The following PARVB variants were observed in gnomAD, a reference collection of about 807,000 sequenced individuals.
PARVB encodes beta-parvin.
PARVB carries 46 observed loss-of-function variants against 47.0 expected under a neutral mutation model. The observed-to-expected ratio is 0.98, with a 90% CI of 0.77 to 1.25. The LOEUF (loss-of-function observed/expected upper bound fraction) is 1.25, where lower values mean the gene tolerates loss of function less well. PARVB is among the 50% of genes most tolerant of loss of function. PARVB has a pLI of 0.00. For synonymous variants in PARVB, 196 were observed against 196.3 expected (o/e 1.00, Z 0.01); for missense variants, 473 against 471.6 (o/e 1.00, Z -0.03).
At chr22:44,001,121 G>A in intron 2 of PARVB, among the ~76,000 whole-genome samples, 1 of 152,088 alleles carries the variant, frequency 6.6e-6, no homozygotes, top group East Asian at 1.9e-4. Context: ...GTGGTGGTGG[G>A]CGCCTGTAGT....
rs1050298812 is a variant in PARVB at position 44,158,049 on chromosome 22, A to C, written c.911A>C (p.His304Pro). Residue 304 changes from histidine to proline, a missense_variant, in exon 11 of 13, where the codon CAC becomes CCC. His to Pro is a moderately conservative substitution (Grantham distance 77). Coordinates refer to ENST00000338758, the MANE Select transcript of PARVB (RefSeq NM_013327.5). ...GAAGACTACTTTGTTCCTCTCCACC[A>C]CTTCTACCTGACTCCGGAAAGCTTC... Reference protein sequence around the residue: ...LLEDYFVPLHHFYLTPESFDQ... With the variant: ...LLEDYFVPLHPFYLTPESFDQ... The C allele has an allele frequency of 1.2e-6, 2 of 1,613,902 alleles. No homozygotes were observed.
intron 1 of PARVB, among the ~76,000 whole-genome samples, chr22:44,082,649 C>A (rs190461896): frequency 2.6e-5 from 4 of 152,290 alleles, no homozygotes; most frequent in Non-Finnish European, 5.9e-5. Context: ...CTCACCGGCC[C>A]CTCCATGCCC....
intron 8 of PARVB, chr22:44,144,613 C>T (rs972021333): frequency 6.6e-6 from 1 of 152,290 alleles, no homozygotes; most frequent in African/African-American, 2.4e-5. Context: ...GCCTTACCAA[C>T]ATGGCGAAAC....
At chr22:44,127,219 T>G (rs1243564480) in intron 4 of PARVB, among the ~76,000 whole-genome samples, 1 of 151,864 alleles carries the variant, frequency 6.6e-6, no homozygotes, top group African/African-American at 2.4e-5. Flanking sequence ...CTAAAATCTC[T>G]TGAGTGTCAA....
chr22:44,080,873 G>C (rs1009754782), intron 1 of PARVB, among the ~76,000 whole-genome samples: 5 of 152,152 alleles, frequency 3.3e-5, no homozygotes, highest in African/African-American at 7.2e-5. Context: ...CCATGCATCT[G>C]TCCTTTCAGA....
chr22:44,161,785 T>C (rs1303282138), intron 11 of PARVB, among the ~76,000 whole-genome samples: 2 of 152,180 alleles, frequency 1.3e-5, no homozygotes, highest in Non-Finnish European at 2.9e-5. Context: ...CTCCCTGCTC[T>C]CTCCTTAGGG....
intron 1 of PARVB, among the ~76,000 whole-genome samples, chr22:44,077,773 A>C (rs139968138): frequency 6.6e-6 from 1 of 152,082 alleles, no homozygotes; most frequent in Non-Finnish European, 1.5e-5. Context: ...TCATTCTGTC[A>C]TCCAGGCTGG....
chr22:44,006,268 A>G (rs2050463481), intron 2 of PARVB, among the ~76,000 whole-genome samples: 1 of 147,872 alleles, frequency 6.8e-6, no homozygotes, highest in Non-Finnish European at 1.5e-5. Flanking sequence ...TGCTTTCAAT[A>G]GTGTATATCC....
intron 10 of PARVB, among the ~76,000 whole-genome samples, chr22:44,154,631 GGT>G (rs943669043): frequency 3.4e-5 from 5 of 148,708 alleles, no homozygotes; most frequent in African/African-American, 9.9e-5. Context: ...TAGTCTGTGT[GGT>G]GTGTGTGTGT....
At chr22:44,081,744 G>A (rs377585718) in intron 1 of PARVB, 7 of 377,660 alleles carry the variant, frequency 1.9e-5, no homozygotes, top group East Asian at 1.6e-4. Flanking sequence ...CAAGTGGCTG[G>A]GCTCGGAGGG....
chr22:44,120,909 T>C (rs1322523446), intron 4 of PARVB, among the ~76,000 whole-genome samples: 1 of 151,920 alleles, frequency 6.6e-6, no homozygotes, highest in Non-Finnish European at 1.5e-5. Flanking sequence ...AGTGGTGCGA[T>C]CTCAGCTCAC....
upstream of PARVB, among the ~76,000 whole-genome samples, chr22:44,023,562 TA>T (rs918531539): frequency 1.5e-5 from 2 of 136,460 alleles, no homozygotes; most frequent in African/African-American, 6.5e-5. Context: ...TAAAATAAAA[TA>T]AAATAAAATA....
chr22:44,107,070 G>C (rs935490003), intron 3 of PARVB: 8 of 152,270 alleles, frequency 5.3e-5, no homozygotes, highest in African/African-American at 1.7e-4. Context: ...TGTAAGGGCA[G>C]TGTGGGAACA....
chr22:44,136,464 G>C lies in PARVB; in HGVS notation c.638G>C (p.Arg213Pro), dbSNP rs1202829727. 1 of 1,613,818 alleles carries C rather than the reference G, an allele frequency of 6.2e-7. No individual in the cohort carries two copies. The highest frequency in any genetic ancestry group is 8.5e-7 in the Non-Finnish European group (1 of 1,179,810). Reference sequence around the variant, plus strand: ...TGTTTATTTTGGGGTTTTCAGAAACGGGAAGGCCTGCTGCATTCCAGCCAC... The same window carrying C: ...TGTTTATTTTGGGGTTTTCAGAAACCGGAAGGCCTGCTGCATTCCAGCCAC... ...VTVQVVVVRK[R>P]EGLLHSSHIS... Residue 213 changes from arginine (R) to proline (P), a missense_variant, in exon 7 of 13, where the codon CGG becomes CCG. Coordinates refer to ENST00000338758, the MANE Select transcript of PARVB (RefSeq NM_013327.5).
chr22:44,146,334 C>CATGCACACAT (rs58113622), intron 8 of PARVB: 2 of 146,924 alleles, frequency 1.4e-5, no homozygotes, highest in East Asian at 2.2e-4. Flanking sequence ...CATGTGCTCA[C>CATGCACACAT]GTGCACACAG....
intron 3 of PARVB, chr22:44,112,100 A>G (rs566877040): frequency 6.6e-6 from 1 of 152,286 alleles, no homozygotes; most frequent in East Asian, 1.9e-4. Flanking sequence ...GTGTCTGTAA[A>G]CTTGGTGTTG....
chr22:44,036,727 C>A lies in PARVB; in HGVS notation c.112+12276C>A, dbSNP rs535144987. Among the ~76,000 whole-genome samples the A allele has an allele frequency of 3.0e-4, 45 of 152,136 alleles. No individual in the cohort carries two copies. The South Asian group carries it at 6.6e-3, about 22-fold the overall frequency. ...TCATGCCTGTAATCCCATTTCTCTGCGAGGCTGAGATGGGCGGATCACTTG... is the reference window on the plus strand; with the variant it reads ...TCATGCCTGTAATCCCATTTCTCTGAGAGGCTGAGATGGGCGGATCACTTG... On this transcript the variant is annotated intron_variant, in intron 1 of 12. Transcript: ENST00000338758.
At chr22:44,079,138 C>G (rs1194600458) in intron 1 of PARVB, among the ~76,000 whole-genome samples, 2 of 152,206 alleles carry the variant, frequency 1.3e-5, no homozygotes, top group Non-Finnish European at 2.9e-5. Context: ...CAATGTGTGT[C>G]CTCTTCTTTG....
intron 1 of PARVB, among the ~76,000 whole-genome samples, chr22:44,047,093 G>A (rs576709368): frequency 6.6e-6 from 1 of 152,314 alleles, no homozygotes; most frequent in Non-Finnish European, 1.5e-5. Flanking sequence ...TTCACATGGA[G>A]CCTGTGCCCC....
Sources: gnomAD v4.1 joint callset for allele counts (sites outside exome capture counted in the v4.1 genomes callset) on GRCh38, gnomAD v4.1.1 for gene constraint, MANE v1.5 for transcripts, NCBI Gene and HGNC (gene_info 2026-07-23, HGNC 2026-07-21) for gene names.